Variants in KCNJ5 observed in about 807,000 individuals in gnomAD.
KCNJ5 encodes the protein potassium inwardly rectifying channel subfamily J member 5.
A neutral mutation model predicts 20.2 loss-of-function variants in KCNJ5; 12 were observed. The observed-to-expected ratio is 0.59, with a 90% CI of 0.38 to 0.96. The LOEUF (loss-of-function observed/expected upper bound fraction) is 0.96. Among genes scored for constraint, KCNJ5 ranks in the 40% least tolerant of loss-of-function variants. The pLI, the probability that KCNJ5 is intolerant of heterozygous loss-of-function variation, is 0.00. For synonymous variants in KCNJ5, 210 were observed against 213.9 expected (o/e 0.98, Z 0.16); for missense variants, 449 against 557.6 (o/e 0.81, Z 1.96).
intron 1 of KCNJ5, chr11:128,901,909 G>T: frequency 6.4e-6 from 1 of 155,070 alleles, no homozygotes; most frequent in South Asian, 2.0e-4. Flanking sequence ...CAGCTCCGCG[G>T]GGATGAAGTG....
chr11:128,908,192 T>G (rs1467311570), intron 1 of KCNJ5, among the ~76,000 whole-genome samples: 1 of 152,266 alleles, frequency 6.6e-6, no homozygotes, highest in Non-Finnish European at 1.5e-5. Flanking sequence ...ATGGGGTTAA[T>G]GGGATATTGC....
At position 128,916,863 on chromosome 11, in the gene KCNJ5, G is replaced by T; in HGVS notation, c.*132G>T. Reference sequence around the variant, plus strand: ...CAGGAGCCATCAAGGCTGTGGGGAGGAACCATAAACCCAGCCCTCACAGCT... The same window carrying T: ...CAGGAGCCATCAAGGCTGTGGGGAGTAACCATAAACCCAGCCCTCACAGCT... On this transcript the variant is annotated 3_prime_UTR_variant, in exon 3 of 3. Transcript: ENST00000529694. 1.4e-6 allele frequency: 1 copy of T among 735,224 alleles called. No homozygotes were observed. The allele number at this position is 735,224 out of a possible 1,614,324, so 45.5% of individuals were successfully genotyped here. A position where few individuals can be genotyped will look rare whatever the true frequency, so the allele number is the denominator to read the frequency against.
rs184980457 is a variant in KCNJ5, at chr11:128,897,428, C to T, written c.-11+5707C>T. ...ACCATCTTTTTATATGCTTATTTGC[C>T]CCCCATATATCCTCCTTAGCAAAAT... is the stretch of plus-strand genomic sequence containing the variant. On this transcript the variant is annotated intron_variant, in intron 1 of 2. Coordinates refer to ENST00000529694, the MANE Select transcript of KCNJ5 (RefSeq NM_000890.5). Among the ~76,000 whole-genome samples the T allele has an allele frequency of 3.6e-3, 547 of 152,144 alleles. 5 individuals are homozygous for T. The highest frequency in any genetic ancestry group is 0.013 in the African/African-American group (529 of 41,504).
intron 1 of KCNJ5, chr11:128,902,541 T>C: frequency 6.3e-7 from 1 of 1,586,442 alleles, no homozygotes; most frequent in Non-Finnish European, 8.6e-7. Context: ...ACAGGGCTAT[T>C]GGCAAGGAGA....
At chr11:128,896,406 A>T (rs1433812172) in intron 1 of KCNJ5, among the ~76,000 whole-genome samples, 1 of 152,174 alleles carries the variant, frequency 6.6e-6, no homozygotes, top group Non-Finnish European at 1.5e-5. Flanking sequence ...AGGACCTCTT[A>T]TGTGGCCCTA....
intron 1 of KCNJ5, chr11:128,902,794 C>G: frequency 2.1e-6 from 3 of 1,441,888 alleles, no homozygotes; most frequent in Non-Finnish European, 1.9e-6. Flanking sequence ...GCCTAACTCA[C>G]AACGCAGCCC....
chr11:128,895,142 T>TG (rs993428760), intron 1 of KCNJ5, among the ~76,000 whole-genome samples: 11 of 151,982 alleles, frequency 7.2e-5, no homozygotes, highest in African/African-American at 2.7e-4. Context: ...AGAGCAAACT[T>TG]GGAGTCTCAT....
intron 1 of KCNJ5, among the ~76,000 whole-genome samples, chr11:128,895,387 C>CCT (rs1555142484): frequency 0.011 from 1,676 of 150,334 alleles, 49 homozygotes; most frequent in African/African-American, 0.039. Flanking sequence ...CCCCCACCCC[C>CCT]CCCCCAACCC....
At chr11:128,894,856 G>A (rs545805481) in intron 1 of KCNJ5, among the ~76,000 whole-genome samples, 1 of 152,326 alleles carries the variant, frequency 6.6e-6, no homozygotes, top group East Asian at 1.9e-4. Context: ...CCAGGATGGC[G>A]GGAACCCTTG....
rs1319997912 is a variant in KCNJ5, at chr11:128,911,012, A to T, written c.-10-252A>T. Among the ~76,000 whole-genome samples, 1 of 152,192 alleles carries T rather than the reference A, an allele frequency of 6.6e-6. No homozygotes were observed. The highest frequency in any genetic ancestry group is 1.9e-4 in the East Asian group (1 of 5,206). ...AACACTTAATGTGTAGTTTGCACCT[A>T]GATATTGTTCATTTATTCATTCAAC... is the stretch of plus-strand genomic sequence containing the variant. On this transcript the variant is annotated intron_variant, in intron 1 of 2. Coordinates refer to ENST00000529694, the MANE Select transcript of KCNJ5 (RefSeq NM_000890.5). The surrounding 1 kb of genome is among the most constrained non-coding windows in gnomAD (Gnocchi z 6.3).
chr11:128,902,787 T>A, intron 1 of KCNJ5: 1 of 1,488,864 alleles, frequency 6.7e-7, no homozygotes, highest in Non-Finnish European at 9.1e-7. Flanking sequence ...ACTCTCAGCC[T>A]AACTCACAAC....
At chr11:128,905,232 T>G (rs1337807185) in intron 1 of KCNJ5, among the ~76,000 whole-genome samples, 1 of 152,066 alleles carries the variant, frequency 6.6e-6, no homozygotes, top group East Asian at 1.9e-4. Flanking sequence ...AGGGCCTCTG[T>G]CTCCCCTCCG....
intron 2 of KCNJ5, among the ~76,000 whole-genome samples, chr11:128,915,445 C>T (rs188311453): frequency 1.8e-4 from 27 of 152,296 alleles, no homozygotes; most frequent in Admixed American, 3.9e-4. Context: ...CCCATATGTT[C>T]CAAATGCCTG....
chr11:128,903,519 GA>G (rs1565546897), intron 1 of KCNJ5: 1 of 1,613,776 alleles, frequency 6.2e-7, no homozygotes, highest in Admixed American at 1.7e-5. Flanking sequence ...TGCCTTAGAT[GA>G]AGGAGAATCC....
chr11:128,893,585 G>T (rs776596541), intron 1 of KCNJ5, among the ~76,000 whole-genome samples: 49 of 152,246 alleles, frequency 3.2e-4, no homozygotes, highest in African/African-American at 1.2e-3. Context: ...GCTGTTTTCT[G>T]GCCTCTCCAA....
At position 128,911,068 on chromosome 11, in the gene KCNJ5, G is replaced by T. The variant is rs1351101598; in HGVS notation, c.-10-196G>T. The T allele has an allele frequency of 3.3e-6, 2 of 600,492 alleles. No homozygotes were observed. The highest frequency in any genetic ancestry group is 5.9e-6 in the Non-Finnish European group (2 of 338,156). The allele number at this position is 600,492 out of a possible 1,614,324, so 37.2% of individuals were successfully genotyped here. A position where few individuals can be genotyped will look rare whatever the true frequency, so the allele number is the denominator to read the frequency against. On this transcript the variant is annotated intron_variant, in intron 1 of 2. Coordinates refer to ENST00000529694, the MANE Select transcript of KCNJ5 (RefSeq NM_000890.5). This position sits in a 1 kb window ranked among gnomAD's most constrained non-coding sequence, Gnocchi z 6.3. The stretch of plus-strand genomic sequence containing the variant: ...GCTAGCAAGCATCTATTTTGTGCTA[G>T]ACTCTGTACTAGGCACCAGGGATAC...
At chr11:128,892,124 C>T (rs1944102117) in intron 1 of KCNJ5, among the ~76,000 whole-genome samples, 1 of 152,238 alleles carries the variant, frequency 6.6e-6, no homozygotes, top group Non-Finnish European at 1.5e-5. Flanking sequence ...GTGCCCCCCT[C>T]AGCCTTAGAT....
At chr11:128,903,517 A>G (rs754938819) in intron 1 of KCNJ5, 1 of 1,613,948 alleles carries the variant, frequency 6.2e-7, no homozygotes, top group South Asian at 1.1e-5. Context: ...CCTGCCTTAG[A>G]TGAAGGAGAA....
At chr11:128,906,829 G>A (rs941426986) in intron 1 of KCNJ5, among the ~76,000 whole-genome samples, 1 of 152,170 alleles carries the variant, frequency 6.6e-6, no homozygotes, top group African/African-American at 2.4e-5. Context: ...CATATGACAT[G>A]CCCCAGTCAT....
Sources: allele counts gnomAD v4.1 joint callset (sites outside exome capture counted in the v4.1 genomes callset), GRCh38; gene constraint gnomAD v4.1.1; non-coding constraint Gnocchi (gnomAD v3.1); transcripts MANE v1.5; gene names NCBI Gene and HGNC (gene_info 2026-07-23, HGNC 2026-07-21).